The following CDH13 variants were observed in gnomAD, a reference collection of about 807,000 sequenced individuals.
CDH13 encodes cadherin-13.
A neutral mutation model predicts 63.8 loss-of-function variants in CDH13; 24 were observed. That is an observed-to-expected ratio of 0.38 (90% CI 0.27 to 0.53). The LOEUF (loss-of-function observed/expected upper bound fraction) is 0.53, where lower values mean the gene tolerates loss of function less well. Ranked by LOEUF, CDH13 falls within the 20% of genes least tolerant of loss-of-function variation. The pLI is 0.85. For missense variants in CDH13, 1,049 were observed against 903.1 expected (o/e 1.16, Z -2.07); for synonymous variants, 503 against 355.3 (o/e 1.42, Z -4.67).
At chr16:82,716,049 G>A (rs2032349743) in intron 1 of CDH13, among the ~76,000 whole-genome samples, 1 of 152,176 alleles carries the variant, frequency 6.6e-6, no homozygotes. Flanking sequence ...CCTAAAGTCG[G>A]ATAAGGAAAT....
chr16:83,213,129 G>A (rs1159204994), intron 4 of CDH13, among the ~76,000 whole-genome samples: 8 of 152,124 alleles, frequency 5.3e-5, no homozygotes, highest in Non-Finnish European at 1.0e-4. Context: ...GCTAAGCTGG[G>A]GCCCTCACAA....
At chr16:83,769,353 G>C (rs1050354902) in intron 11 of CDH13, among the ~76,000 whole-genome samples, 1 of 152,206 alleles carries the variant, frequency 6.6e-6, no homozygotes, top group Non-Finnish European at 1.5e-5. Flanking sequence ...GGAAGCAAAT[G>C]TCAGGATCTA....
intron 3 of CDH13, among the ~76,000 whole-genome samples, chr16:83,094,129 T>G (rs1298950098): frequency 6.6e-6 from 1 of 152,292 alleles, no homozygotes; most frequent in African/African-American, 2.4e-5. Context: ...AGTTACAAAA[T>G]TCTCGTTGCA....
At position 83,670,814 on chromosome 16, in the gene CDH13, G is replaced by T; in HGVS notation, c.1126G>T (p.Ala376Ser). The stretch of plus-strand genomic sequence containing the variant: ...GTTTCAAGCCACAGTCGAGGAAGGA[G>T]CTGTGGGAGTTATTGTCAATTTGAC... ...KEFQATVEEG[A>S]VGVIVNLTVE... is the part of the protein sequence containing the mutation. The change falls in exon 9 of 14, where the codon GCT becomes TCT. Residue 376 changes from alanine (A) to serine (S), a missense_variant. Ala to Ser is a moderately conservative substitution (Grantham distance 99). Transcript: ENST00000567109. 6.2e-7 allele frequency: 1 copy of T among 1,613,966 alleles called. No individual in the cohort carries two copies. The highest frequency in any genetic ancestry group is 1.3e-5 in the African/African-American group (1 of 75,040).
chr16:82,960,227 A>C (rs1179725600), intron 2 of CDH13, among the ~76,000 whole-genome samples: 1 of 152,194 alleles, frequency 6.6e-6, no homozygotes, highest in African/African-American at 2.4e-5. Flanking sequence ...GAGAAGCAGT[A>C]GGATAAGGGA....
intron 6 of CDH13, among the ~76,000 whole-genome samples, chr16:83,455,313 G>C (rs2072992585): frequency 6.6e-6 from 1 of 152,200 alleles, no homozygotes; most frequent in African/African-American, 2.4e-5. Flanking sequence ...ATGAATGGCA[G>C]ATGGACATTC....
chr16:83,064,373 A>C (rs1301847979), intron 3 of CDH13, among the ~76,000 whole-genome samples: 2 of 152,218 alleles, frequency 1.3e-5, no homozygotes, highest in African/African-American at 2.4e-5. Flanking sequence ...TCTCAAAAAA[A>C]AGAAAGTTAT....
chr16:83,432,740 C>T (rs932115840), intron 6 of CDH13, among the ~76,000 whole-genome samples: 4 of 152,098 alleles, frequency 2.6e-5, no homozygotes, highest in African/African-American at 9.7e-5. Context: ...TTGGATGGCA[C>T]AGGCAGCTGG....
At chr16:83,673,215 G>A (rs905315287) in intron 9 of CDH13, among the ~76,000 whole-genome samples, 6 of 152,000 alleles carry the variant, frequency 3.9e-5, no homozygotes, top group South Asian at 2.1e-4. Flanking sequence ...TAATCCATAC[G>A]AATACTGACC....
intron 3 of CDH13, among the ~76,000 whole-genome samples, chr16:83,119,865 G>A (rs1322904010): frequency 6.6e-6 from 1 of 152,148 alleles, no homozygotes. Flanking sequence ...CACAAATATA[G>A]AAGTAGACAC....
intron 5 of CDH13, among the ~76,000 whole-genome samples, chr16:83,302,580 A>G (rs1014276264): frequency 5.9e-5 from 9 of 152,242 alleles, no homozygotes; most frequent in African/African-American, 1.7e-4. Context: ...AACAAAGTCA[A>G]TTTTGGGAAA....
At chr16:83,533,851 C>T (rs573825946) in intron 7 of CDH13, among the ~76,000 whole-genome samples, 1 of 152,004 alleles carries the variant, frequency 6.6e-6, no homozygotes, top group Non-Finnish European at 1.5e-5. Context: ...AAACTCCTGA[C>T]CCCAAGTGAT....
chr16:83,046,105 C>A (rs970322634), intron 3 of CDH13, among the ~76,000 whole-genome samples: 1 of 152,144 alleles, frequency 6.6e-6, no homozygotes, highest in Admixed American at 6.5e-5. Context: ...AAGGCCTAAT[C>A]TCATCATAGT....
intron 5 of CDH13, among the ~76,000 whole-genome samples, chr16:83,289,665 G>A (rs1216985783): frequency 6.6e-6 from 1 of 152,078 alleles, no homozygotes; most frequent in Non-Finnish European, 1.5e-5. Flanking sequence ...ACTCAGAATG[G>A]GGACAGTCTA....
intron 5 of CDH13, among the ~76,000 whole-genome samples, chr16:83,278,329 A>T (rs180737158): frequency 6.6e-6 from 1 of 152,256 alleles, no homozygotes; most frequent in East Asian, 1.9e-4. Flanking sequence ...CCCATTCACC[A>T]TGGGCTCCTT....
intron 8 of CDH13, among the ~76,000 whole-genome samples, chr16:83,660,826 A>G (rs1422221047): frequency 2.0e-5 from 3 of 152,244 alleles, no homozygotes; most frequent in African/African-American, 2.4e-5. Context: ...TGTCAGATGA[A>G]CAAATGTGTT....
At position 83,752,862 on chromosome 16, in the gene CDH13, T is replaced by A. The variant is rs1597178073; in HGVS notation, c.1681+4612T>A. On this transcript the variant is annotated intron_variant, in intron 11 of 13. Coordinates refer to ENST00000567109, the MANE Select transcript of CDH13 (RefSeq NM_001257.5). ...TCACTACATGTTAATCCCACCCAGGTGGGGGTTTCAGAAAGGAAAGAATAG... is the reference window on the plus strand; with the variant it reads ...TCACTACATGTTAATCCCACCCAGGAGGGGGTTTCAGAAAGGAAAGAATAG... 2.0e-5 allele frequency among the ~76,000 whole-genome samples: 3 copies of A among 152,310 alleles called. No homozygotes were observed. The South Asian group carries it at 6.2e-4, about 32-fold the overall frequency.
intron 1 of CDH13, among the ~76,000 whole-genome samples, chr16:82,632,866 A>G (rs1296033584): frequency 1.3e-5 from 2 of 152,164 alleles, no homozygotes; most frequent in Non-Finnish European, 2.9e-5. Context: ...AGATGGTCCC[A>G]TCTGGGGGTG....
At chr16:82,735,126 G>C (rs1427113799) in intron 1 of CDH13, among the ~76,000 whole-genome samples, 3 of 152,174 alleles carry the variant, frequency 2.0e-5, no homozygotes, top group Non-Finnish European at 4.4e-5. Flanking sequence ...CCTTAAAGGA[G>C]CAAAGTAAAA....
Sources: allele counts gnomAD v4.1 joint callset (sites outside exome capture counted in the v4.1 genomes callset), GRCh38; gene constraint gnomAD v4.1.1; transcripts MANE v1.5; gene names NCBI Gene and HGNC (gene_info 2026-07-23, HGNC 2026-07-21).